The following ADAMTSL1 variants were observed in gnomAD, a reference collection of about 807,000 sequenced individuals.
ADAMTSL1 encodes the protein ADAMTS like 1, also known as ADAMTS-like protein 1.
Under a neutral mutation model 201.8 loss-of-function variants are expected in ADAMTSL1, and 126 were observed. That is an observed-to-expected ratio of 0.62 (90% CI 0.54 to 0.72). The LOEUF is 0.72. ADAMTSL1 is among the 30% of genes least tolerant of loss of function. The pLI is 0.00. For missense variants in ADAMTSL1, 2,679 were observed against 2,277.8 expected, an observed-to-expected ratio of 1.18 and a Z score of -3.59; for synonymous variants, 1,121 against 903.4, an observed-to-expected ratio of 1.24 and a Z score of -4.32.
intron 1 of ADAMTSL1, among the ~76,000 whole-genome samples, chr9:18,099,355 A>ATTTTT (rs397893715): frequency 3.1e-4 from 14 of 45,522 alleles, no homozygotes; most frequent in African/African-American, 8.9e-4. Context: ...ATATATATAT[A>ATTTTT]TTTTTTTTTT....
rs145490111 is a variant in ADAMTSL1, at chr9:18,816,667, A to C, written c.3806-442A>C. ...GTTAATTTAATGATTAGAATGCATA[A>C]ATCATCTCAATTTGTATAACATGCT... On this transcript the variant is annotated intron_variant, in intron 20 of 28. Coordinates refer to ENST00000380548, the MANE Select transcript of ADAMTSL1 (RefSeq NM_001040272.6). 1.0e-3 allele frequency among the ~76,000 whole-genome samples: 152 copies of C among 151,420 alleles called. No individual in the cohort carries two copies. The East Asian group carries it at 0.026, about 26-fold the overall frequency.
chr9:18,774,233 C>T (rs1407934887), intron 17 of ADAMTSL1, among the ~76,000 whole-genome samples: 2 of 151,962 alleles, frequency 1.3e-5, no homozygotes, highest in Non-Finnish European at 2.9e-5. Flanking sequence ...CTTCTCAAAA[C>T]ACCTCTTTCA....
intron 5 of ADAMTSL1, among the ~76,000 whole-genome samples, chr9:18,633,490 G>A (rs1396140267): frequency 1.3e-5 from 2 of 152,104 alleles, no homozygotes; most frequent in African/African-American, 2.4e-5. Flanking sequence ...ACTTGAGGCT[G>A]AGGCAGGAGA....
At chr9:18,197,992 A>G (rs1380041506) in intron 2 of ADAMTSL1, among the ~76,000 whole-genome samples, 1 of 152,168 alleles carries the variant, frequency 6.6e-6, no homozygotes, top group African/African-American at 2.4e-5. Context: ...AACCTGAGAA[A>G]AACAAGCAAT....
intron 1 of ADAMTSL1, among the ~76,000 whole-genome samples, chr9:18,157,766 A>C (rs1322577738): frequency 6.6e-6 from 1 of 152,052 alleles, no homozygotes; most frequent in Admixed American, 6.6e-5. Flanking sequence ...TATGGTTATA[A>C]GAATGCTTTT....
chr9:17,959,818 T>G (rs980513445), intron 1 of ADAMTSL1, among the ~76,000 whole-genome samples: 1 of 152,170 alleles, frequency 6.6e-6, no homozygotes, highest in Admixed American at 6.6e-5. Flanking sequence ...CATTGTGTCC[T>G]AGAGTGTGAC....
intron 2 of ADAMTSL1, among the ~76,000 whole-genome samples, chr9:18,208,210 G>A (rs936854457): frequency 1.3e-5 from 2 of 152,134 alleles, no homozygotes; most frequent in Non-Finnish European, 2.9e-5. Flanking sequence ...AGAAAGGAAT[G>A]TAACTCCTTG....
At chr9:18,350,691 T>G (rs11790578) in intron 2 of ADAMTSL1, among the ~76,000 whole-genome samples, 12,710 of 152,134 alleles carry the variant, frequency 0.084, 730 homozygotes, top group Non-Finnish European at 0.12. Flanking sequence ...AAATGGCAAA[T>G]TCTGGAATTT....
At position 18,313,312 on chromosome 9, in the gene ADAMTSL1, G is replaced by A. The variant is rs969501546; in HGVS notation, c.207+149331G>A. On this transcript the variant is annotated intron_variant, in intron 2 of 29. Coordinates refer to the ADAMTSL1 transcript ENST00000680146. Reference sequence around the variant, plus strand: ...TTCAGGGGAAGAGTCCTTAGGTACCGATATTTTTTTAAGGCCCCAGGTGAT... The same window carrying A: ...TTCAGGGGAAGAGTCCTTAGGTACCAATATTTTTTTAAGGCCCCAGGTGAT... Among the ~76,000 whole-genome samples, 4 of 152,216 alleles carry A rather than the reference G, an allele frequency of 2.6e-5. No individual in the cohort carries two copies. In the East Asian group the frequency reaches 5.8e-4, roughly 22 times the overall value.
intron 2 of ADAMTSL1, among the ~76,000 whole-genome samples, chr9:18,509,108 C>T (rs375095494): frequency 0.015 from 1,704 of 114,012 alleles, 128 homozygotes; most frequent in South Asian, 0.038. Flanking sequence ...GGCGTGAACC[C>T]GGGAGGCGGA....
intron 19 of ADAMTSL1, 144 bp downstream of exon 19, chr9:18,778,050 C>G (rs1821168154): frequency 4.0e-6 from 4 of 1,004,164 alleles, no homozygotes; most frequent in Middle Eastern, 3.0e-4. Flanking sequence ...GGTGCAGGCC[C>G]TCTCTTAGCA....
chr9:18,540,819 G>T (rs1042934974), intron 3 of ADAMTSL1, among the ~76,000 whole-genome samples: 1 of 152,248 alleles, frequency 6.6e-6, no homozygotes, highest in East Asian at 1.9e-4. Context: ...TCTTAAGTGA[G>T]AAAGAAATTC....
chr9:18,183,629 T>C (rs1180738286), intron 2 of ADAMTSL1, among the ~76,000 whole-genome samples: 1 of 152,270 alleles, frequency 6.6e-6, no homozygotes, highest in Non-Finnish European at 1.5e-5. Context: ...CTATACATCG[T>C]ATGTCACTAG....
intron 1 of ADAMTSL1, among the ~76,000 whole-genome samples, chr9:18,032,195 A>G (rs1371212365): frequency 1.3e-5 from 2 of 152,002 alleles, no homozygotes; most frequent in East Asian, 1.9e-4. Context: ...AAAGGGAGGG[A>G]TGCCTGGCTC....
intron 2 of ADAMTSL1, among the ~76,000 whole-genome samples, chr9:18,254,129 G>A (rs969543157): frequency 2.0e-5 from 3 of 151,992 alleles, no homozygotes; most frequent in African/African-American, 7.3e-5. Flanking sequence ...TAAGCTGTGT[G>A]GTCTTAGACT....
intron 1 of ADAMTSL1, among the ~76,000 whole-genome samples, chr9:17,937,965 C>A (rs1425188610): frequency 1.3e-5 from 2 of 152,072 alleles, no homozygotes; most frequent in African/African-American, 4.8e-5. Flanking sequence ...TGTGGACACC[C>A]AATAACTCTT....
At chr9:18,806,128 A>C (rs1040468603) in intron 20 of ADAMTSL1, among the ~76,000 whole-genome samples, 2 of 152,262 alleles carry the variant, frequency 1.3e-5, no homozygotes, top group African/African-American at 4.8e-5. Context: ...GGATCCATCC[A>C]TTCAGGGTCA....
intron 1 of ADAMTSL1, among the ~76,000 whole-genome samples, chr9:18,020,740 A>G (rs1820447959): frequency 6.6e-6 from 1 of 152,092 alleles, no homozygotes; most frequent in Non-Finnish European, 1.5e-5. Context: ...TGGAACAGGC[A>G]TCAACTGACA....
chr9:17,940,129 G>T (rs1032101114), intron 1 of ADAMTSL1, among the ~76,000 whole-genome samples: 1 of 152,116 alleles, frequency 6.6e-6, no homozygotes, highest in African/African-American at 2.4e-5. Flanking sequence ...CCAGATTCGT[G>T]ACCACTCTGA....
Sources: allele counts gnomAD v4.1 joint callset (sites outside exome capture counted in the v4.1 genomes callset), GRCh38; gene constraint gnomAD v4.1.1; transcripts MANE v1.5; gene names NCBI Gene and HGNC (gene_info 2026-07-23, HGNC 2026-07-21).